Variants in RBMS1 observed in about 807,000 individuals in gnomAD.
RBMS1 encodes the protein RNA-binding motif, single-stranded-interacting protein 1.
Under a neutral mutation model 62.3 loss-of-function variants are expected in RBMS1, and 17 were observed. The observed-to-expected ratio is 0.27, with a 90% CI of 0.19 to 0.41. RBMS1 has a LOEUF of 0.41. RBMS1 is among the 10% of genes least tolerant of loss of function. The pLI, the probability that RBMS1 is intolerant of heterozygous loss-of-function variation, is 1.00. For synonymous variants in RBMS1, 172 were observed against 170.0 expected (o/e 1.01, Z -0.09); for missense variants, 334 against 504.5 (o/e 0.66, Z 3.24).
At chr2:160,409,268 G>A (rs1245299078) in intron 1 of RBMS1, among the ~76,000 whole-genome samples, 1 of 146,378 alleles carries the variant, frequency 6.8e-6, no homozygotes, top group African/African-American at 2.5e-5. Context: ...TGTAATTCCT[G>A]ATTCTTTTCA....
chr2:160,313,352 A>G, intron 3 of RBMS1, 105 bp from the exon 4 acceptor site: 1 of 1,109,088 alleles, frequency 9.0e-7, no homozygotes, highest in Admixed American at 2.4e-5. Flanking sequence ...AGAGACATGA[A>G]AATGTCCTGA....
intron 2 of RBMS1, among the ~76,000 whole-genome samples, chr2:160,361,106 T>C (rs997937969): frequency 3.3e-5 from 5 of 152,214 alleles, no homozygotes; most frequent in African/African-American, 1.2e-4. Context: ...GAATCAAGAA[T>C]TGGTTTAGGA....
intron 1 of RBMS1, among the ~76,000 whole-genome samples, chr2:160,486,230 T>C (rs556275122): frequency 6.6e-6 from 1 of 152,288 alleles, no homozygotes; most frequent in African/African-American, 2.4e-5. Flanking sequence ...ATAATATAAA[T>C]GTAAGCTCAT....
At position 160,450,573 on chromosome 2, in the gene RBMS1, A is replaced by C. The variant is rs571643092; in HGVS notation, c.75+42716T>G. On this transcript the variant is annotated intron_variant, in intron 1 of 13. Coordinates refer to ENST00000348849, the MANE Select transcript of RBMS1 (RefSeq NM_016836.4). ...ATAAAAAATAAAAAATGAAAAAAAA[A>C]AAAAAACAAAAAACATTAACCCAGT... is the stretch of plus-strand genomic sequence containing the variant. 2.5e-4 allele frequency among the ~76,000 whole-genome samples: 37 copies of C among 150,126 alleles called. 2 individuals are homozygous for C. The highest frequency in any genetic ancestry group is 1.5e-3 in the South Asian group (7 of 4,750).
intron 9 of RBMS1, chr2:160,283,101 G>A (rs1372263480): frequency 6.6e-6 from 1 of 152,100 alleles, no homozygotes; most frequent in Non-Finnish European, 1.5e-5. Flanking sequence ...AATGCACACT[G>A]GTTTTATATT....
In RBMS1 at chr2:160,452,202, G is replaced by GA. The variant is rs557805458; in HGVS notation, c.75+41086dup. 7.7e-4 allele frequency among the ~76,000 whole-genome samples: 116 copies of GA among 150,610 alleles called. 1 individual carries two copies. The highest frequency in any genetic ancestry group is 3.4e-3 in the Middle Eastern group (1 of 294). On this transcript the variant is annotated intron_variant, in intron 1 of 13. Coordinates refer to ENST00000348849, the MANE Select transcript of RBMS1 (RefSeq NM_016836.4). ...GAATTACTGGAACTTAGAGGAGATG[G>GA]AAAAAAAAAGATACAGATTGATATG... is the stretch of plus-strand genomic sequence containing the variant.
At chr2:160,465,058 G>A (rs1275064007) in intron 1 of RBMS1, among the ~76,000 whole-genome samples, 1 of 152,122 alleles carries the variant, frequency 6.6e-6, no homozygotes. Flanking sequence ...TGAATCTTGA[G>A]GATGTTCCAA....
intron 1 of RBMS1, among the ~76,000 whole-genome samples, chr2:160,484,931 A>C (rs954122293): frequency 1.3e-5 from 2 of 151,762 alleles, no homozygotes; most frequent in African/African-American, 4.9e-5. Context: ...AGAGAATTGG[A>C]AGAGATAGAC....
intron 1 of RBMS1, chr2:160,367,637 T>G: frequency 2.1e-6 from 1 of 468,630 alleles, no homozygotes; most frequent in South Asian, 5.5e-5. Context: ...TAAATTTATG[T>G]AACATTAATT....
chr2:160,486,967 T>C (rs1179418013), intron 1 of RBMS1, among the ~76,000 whole-genome samples: 1 of 152,184 alleles, frequency 6.6e-6, no homozygotes, highest in Non-Finnish European at 1.5e-5. Context: ...GGAGTACATT[T>C]CCAACCTGCC....
chr2:160,418,559 C>T (rs970512898), intron 1 of RBMS1, among the ~76,000 whole-genome samples: 17 of 152,148 alleles, frequency 1.1e-4, no homozygotes, highest in African/African-American at 3.9e-4. Flanking sequence ...TTTGGAACAA[C>T]GACTATTAGT....
chr2:160,318,229 T>TAAAAAAAAAAAAAAAAAAA lies in RBMS1; in HGVS notation c.252-21_252-3dup, dbSNP rs5835799. The TAAAAAAAAAAAAAAAAAAA allele has an allele frequency of 1.4e-5, 16 of 1,164,712 alleles. No homozygotes were observed. Among genetic ancestry groups the TAAAAAAAAAAAAAAAAAAA allele is most frequent in the South Asian group, 6.1e-5 (3 of 49,562 alleles). The allele number at this position is 1,164,712 out of a possible 1,614,324, so 72.1% of individuals were successfully genotyped here. A position where few individuals can be genotyped will look rare whatever the true frequency, so the allele number is the denominator to read the frequency against. ...TTTGTGGAGACTATTTTCCCATATC[T>TAAAAAAAAAAAAAAAAAAA]AAAAAAAAAAAAAAAAAAAAAAAGG... On this transcript the variant is annotated splice_polypyrimidine_tract_variant and splice_region_variant and intron_variant, in intron 2 of 13. Transcript: ENST00000348849.
chr2:160,355,646 G>C (rs543972163), intron 2 of RBMS1, among the ~76,000 whole-genome samples: 4 of 152,070 alleles, frequency 2.6e-5, no homozygotes, highest in African/African-American at 9.6e-5. Context: ...CCCCCATCAT[G>C]GCATCAGTGA....
At chr2:160,470,882 T>C (rs1350484105) in intron 1 of RBMS1, among the ~76,000 whole-genome samples, 1 of 152,188 alleles carries the variant, frequency 6.6e-6, no homozygotes, top group South Asian at 2.1e-4. Flanking sequence ...TTGCCTTCAG[T>C]TCCAAGAATG....
chr2:160,379,225 A>G (rs1157752621), intron 1 of RBMS1, among the ~76,000 whole-genome samples: 1 of 152,030 alleles, frequency 6.6e-6, no homozygotes, highest in African/African-American at 2.4e-5. Context: ...CTGTCTTAAA[A>G]AAAAAAAAAA....
At chr2:160,349,848 T>G (rs1692396451) in intron 2 of RBMS1, among the ~76,000 whole-genome samples, 1 of 148,790 alleles carries the variant, frequency 6.7e-6, no homozygotes. Context: ...GGAGGGGGGT[T>G]GAGATTGAGA....
At chr2:160,483,179 G>A (rs933016536) in intron 1 of RBMS1, among the ~76,000 whole-genome samples, 1 of 150,924 alleles carries the variant, frequency 6.6e-6, no homozygotes, top group Non-Finnish European at 1.5e-5. Context: ...TCTTTTTTTA[G>A]GTTTTTGCCA....
intron 3 of RBMS1, among the ~76,000 whole-genome samples, chr2:160,315,273 C>A (rs1690145718): frequency 6.6e-6 from 1 of 152,160 alleles, no homozygotes; most frequent in Admixed American, 6.5e-5. Context: ...AGTATGCAAC[C>A]TTGTGCTCTT....
intron 2 of RBMS1, 30 bp downstream of exon 2, chr2:160,367,186 G>T: frequency 6.3e-7 from 1 of 1,594,586 alleles, no homozygotes; most frequent in Non-Finnish European, 8.6e-7. Flanking sequence ...ATACTTAGCA[G>T]CTAAAATAAT....
Sources: gnomAD v4.1 joint callset for allele counts (sites outside exome capture counted in the v4.1 genomes callset) on GRCh38, gnomAD v4.1.1 for gene constraint, MANE v1.5 for transcripts, NCBI Gene and HGNC (gene_info 2026-07-23, HGNC 2026-07-21) for gene names.